Variants in ARHGAP22 observed in about 807,000 individuals in gnomAD.
The protein encoded by ARHGAP22 is rho GTPase-activating protein 22.
In ARHGAP22, 48 loss-of-function variants were observed where a neutral mutation model predicts 59.1. The observed-to-expected ratio is 0.81, with a 90% CI of 0.64 to 1.03. The LOEUF is 1.03. ARHGAP22 is among the 50% of genes least tolerant of loss of function. The pLI is 0.00. For synonymous variants in ARHGAP22, 445 were observed against 416.4 expected (o/e 1.07, Z -0.84); for missense variants, 1,015 against 958.7 (o/e 1.06, Z -0.78).
chr10:48,479,141 G>A (rs566191525), intron 4 of ARHGAP22: 68 of 155,398 alleles, frequency 4.4e-4, no homozygotes, highest in Admixed American at 7.1e-4. Context: ...CGGGGCCTTC[G>A]CACGTGTCCA....
chr10:48,463,863 G>A (rs1254087614), intron 4 of ARHGAP22, among the ~76,000 whole-genome samples: 2 of 152,148 alleles, frequency 1.3e-5, no homozygotes, highest in African/African-American at 2.4e-5. Flanking sequence ...CTCCAGGGCC[G>A]CCACCCATCT....
At chr10:48,524,493 C>T (rs2054147884) in intron 3 of ARHGAP22, among the ~76,000 whole-genome samples, 1 of 137,312 alleles carries the variant, frequency 7.3e-6, no homozygotes, top group South Asian at 2.2e-4. Flanking sequence ...CCGGGGCTGC[C>T]TCCGCCTCCC....
intron 3 of ARHGAP22, among the ~76,000 whole-genome samples, chr10:48,516,846 A>G (rs1412238162): frequency 6.6e-6 from 1 of 152,224 alleles, no homozygotes; most frequent in Non-Finnish European, 1.5e-5. Flanking sequence ...CTCAAGAAAA[A>G]CTAGCAAAAT....
intron 1 of ARHGAP22, among the ~76,000 whole-genome samples, chr10:48,642,781 T>C (rs2062105990): frequency 6.6e-6 from 1 of 152,100 alleles, no homozygotes; most frequent in Non-Finnish European, 1.5e-5. Flanking sequence ...CAAAAGAAAC[T>C]ACCGTCAGAA....
intron 3 of ARHGAP22, among the ~76,000 whole-genome samples, chr10:48,496,086 C>T (rs1419419148): frequency 6.6e-6 from 1 of 152,152 alleles, no homozygotes; most frequent in Non-Finnish European, 1.5e-5. Context: ...CAAGCCACAC[C>T]CGGATTCCCG....
chr10:48,645,742 G>T (rs1359772840), intron 1 of ARHGAP22, among the ~76,000 whole-genome samples: 1 of 152,148 alleles, frequency 6.6e-6, no homozygotes, highest in African/African-American at 2.4e-5. Flanking sequence ...TAAGGACAAA[G>T]GCAGAGGTAG....
In ARHGAP22 at chr10:48,475,203, G is replaced by A. The variant is rs371365524; in HGVS notation, c.451+4433C>T. On this transcript the variant is annotated intron_variant, in intron 4 of 9. Coordinates refer to ENST00000249601, the MANE Select transcript of ARHGAP22 (RefSeq NM_021226.4). ...CTGGTTGATCTATCAGCAGCACTTGGCTGCAGTTGATCACTGCCCTTGTTC... is the reference window on the plus strand; with the variant it reads ...CTGGTTGATCTATCAGCAGCACTTGACTGCAGTTGATCACTGCCCTTGTTC... 9.9e-5 allele frequency among the ~76,000 whole-genome samples: 15 copies of A among 152,216 alleles called. No individual in the cohort carries two copies. The East Asian group carries it at 1.7e-3, about 18-fold the overall frequency.
At chr10:48,583,175 G>A (rs2059222548) in intron 1 of ARHGAP22, 23 bp from the exon 2 acceptor site, 1 of 1,606,890 alleles carries the variant, frequency 6.2e-7, no homozygotes. Flanking sequence ...GACACACAGA[G>A]TGAGCATGAA....
intron 1 of ARHGAP22, among the ~76,000 whole-genome samples, chr10:48,627,071 A>G (rs577514013): frequency 2.0e-5 from 3 of 152,316 alleles, no homozygotes; most frequent in African/African-American, 7.2e-5. Context: ...GGGTTGGTGA[A>G]CACATGGAGG....
At chr10:48,487,117 C>T (rs74415033) in intron 3 of ARHGAP22, among the ~76,000 whole-genome samples, 2,672 of 152,180 alleles carry the variant, frequency 0.018, 68 homozygotes, top group African/African-American at 0.058. Context: ...AATATTTTGG[C>T]GATTGGTACT....
At chr10:48,650,708 T>C (rs1204785079) in intron 1 of ARHGAP22, among the ~76,000 whole-genome samples, 1 of 152,226 alleles carries the variant, frequency 6.6e-6, no homozygotes, top group Non-Finnish European at 1.5e-5. Flanking sequence ...CATAGAAATC[T>C]GGTGGCTGGA....
chr10:48,623,329 G>A (rs1430427697), intron 1 of ARHGAP22, among the ~76,000 whole-genome samples: 3 of 152,238 alleles, frequency 2.0e-5, no homozygotes, highest in Non-Finnish European at 4.4e-5. Context: ...GTGAGGGAGG[G>A]CTGCGTGGTC....
At chr10:48,548,017 C>A (rs951909029) in intron 3 of ARHGAP22, among the ~76,000 whole-genome samples, 1 of 152,200 alleles carries the variant, frequency 6.6e-6, no homozygotes, top group African/African-American at 2.4e-5. Flanking sequence ...GGTCCAGATG[C>A]CAGAGTGGAT....
intron 2 of ARHGAP22, among the ~76,000 whole-genome samples, chr10:48,560,798 C>T (rs186361776): frequency 1.3e-5 from 2 of 152,206 alleles, no homozygotes; most frequent in South Asian, 2.1e-4. Flanking sequence ...TGATGAATTA[C>T]ATTAATAATT....
chr10:48,487,029 A>C lies in ARHGAP22; in HGVS notation c.323-7265T>G, dbSNP rs544027468. On this transcript the variant is annotated intron_variant, in intron 3 of 9. Transcript: ENST00000249601. ...ATTTGATTATGACGTGCCTCAGTGCAATTTTATTCAGGTTTCCTATACTTG... is the reference window on the plus strand; with the variant it reads ...ATTTGATTATGACGTGCCTCAGTGCCATTTTATTCAGGTTTCCTATACTTG... Among the ~76,000 whole-genome samples the C allele has an allele frequency of 1.6e-3, 247 of 152,246 alleles. 2 individuals carry two copies. Among genetic ancestry groups the C allele is most frequent in the African/African-American group, 5.7e-3 (236 of 41,524 alleles).
At chr10:48,449,072 G>A (rs773423053) in intron 9 of ARHGAP22, among the ~76,000 whole-genome samples, 1 of 152,136 alleles carries the variant, frequency 6.6e-6, no homozygotes, top group Non-Finnish European at 1.5e-5. Flanking sequence ...GGAGCTCCAG[G>A]CACTCAGCAC....
At chr10:48,586,031 T>C (rs2059406120) in intron 1 of ARHGAP22, among the ~76,000 whole-genome samples, 1 of 152,224 alleles carries the variant, frequency 6.6e-6, no homozygotes, top group Non-Finnish European at 1.5e-5. Flanking sequence ...GATCGGCACT[T>C]TTTTTCCCTC....
chr10:48,514,037 C>T (rs573540517), intron 3 of ARHGAP22, among the ~76,000 whole-genome samples: 29 of 151,948 alleles, frequency 1.9e-4, no homozygotes, highest in Non-Finnish European at 3.8e-4. Context: ...TGGGCTCTAA[C>T]AGCAGATTTG....
intron 1 of ARHGAP22, among the ~76,000 whole-genome samples, chr10:48,622,423 A>G (rs1482337608): frequency 6.6e-6 from 1 of 151,740 alleles, no homozygotes; most frequent in Non-Finnish European, 1.5e-5. Flanking sequence ...TTTTGCTTTT[A>G]TTATTATTTT....
Sources: gnomAD v4.1 joint callset for allele counts (sites outside exome capture counted in the v4.1 genomes callset) on GRCh38, gnomAD v4.1.1 for gene constraint, MANE v1.5 for transcripts, NCBI Gene and HGNC (gene_info 2026-07-23, HGNC 2026-07-21) for gene names.